TBC1D12: variants seen among roughly 807,000 people sequenced by gnomAD.
TBC1D12 encodes TBC1 domain family member 12, also known as TBC1 domain family, member 12.
A neutral mutation model predicts 86.7 loss-of-function variants in TBC1D12; 56 were observed. That is an observed-to-expected ratio of 0.65 (90% CI 0.52 to 0.81). The LOEUF (loss-of-function observed/expected upper bound fraction) is 0.81. TBC1D12 is among the 30% of genes least tolerant of loss of function. The pLI is 0.00. For missense variants in TBC1D12, 1,023 were observed against 1,038.8 expected (o/e 0.98, Z 0.21); for synonymous variants, 421 against 411.7 (o/e 1.02, Z -0.27).
At chr10:94,464,689 C>A (rs111708393) in intron 2 of TBC1D12, among the ~76,000 whole-genome samples, 1 of 152,146 alleles carries the variant, frequency 6.6e-6, no homozygotes, top group African/African-American at 2.4e-5. Context: ...TAATAAAGAC[C>A]TCAAAGGGTT....
At chr10:94,436,430 G>A (rs912692145) in intron 1 of TBC1D12, among the ~76,000 whole-genome samples, 9 of 151,974 alleles carry the variant, frequency 5.9e-5, no homozygotes, top group African/African-American at 1.2e-4. Context: ...CACTGTGCCC[G>A]CCCAGGTCCT....
At chr10:94,517,702 A>T (rs1842035898) in intron 9 of TBC1D12, among the ~76,000 whole-genome samples, 1 of 152,206 alleles carries the variant, frequency 6.6e-6, no homozygotes, top group African/African-American at 2.4e-5. Flanking sequence ...CTATATTGGA[A>T]TACCTATTTC....
intron 2 of TBC1D12, among the ~76,000 whole-genome samples, chr10:94,444,538 A>G (rs1357805929): frequency 6.6e-6 from 1 of 152,154 alleles, no homozygotes; most frequent in Non-Finnish European, 1.5e-5. Flanking sequence ...AGGTTTATAC[A>G]GGTATTTTTG....
intron 10 of TBC1D12, 46 bp downstream of exon 10, chr10:94,522,129 C>G (rs1564990919): frequency 1.3e-6 from 2 of 1,571,582 alleles, no homozygotes; most frequent in Non-Finnish European, 1.7e-6. Context: ...TTTGAATGCC[C>G]TCTTAGAGTG....
intron 2 of TBC1D12, among the ~76,000 whole-genome samples, chr10:94,459,079 ATTGGTCCATTTTACAGAGAGC>A (rs1433361591): frequency 1.3e-5 from 2 of 151,244 alleles, no homozygotes; most frequent in African/African-American, 4.9e-5. Flanking sequence ...CAGAGAGCTG[ATTGGTCCATTTTACAGAGAGC>A]TGATTGGTCC....
intron 2 of TBC1D12, among the ~76,000 whole-genome samples, chr10:94,442,746 A>G (rs2055399641): frequency 6.6e-6 from 1 of 152,182 alleles, no homozygotes; most frequent in African/African-American, 2.4e-5. Flanking sequence ...TATCCTTCCC[A>G]ATTGTAGTTT....
chr10:94,413,246 C>A (rs1051654337), intron 1 of TBC1D12, among the ~76,000 whole-genome samples: 1 of 152,128 alleles, frequency 6.6e-6, no homozygotes, highest in Non-Finnish European at 1.5e-5. Context: ...GAAATTATTT[C>A]GGACAAATTC....
intron 2 of TBC1D12, among the ~76,000 whole-genome samples, chr10:94,449,700 A>C (rs1056353483): frequency 7.9e-5 from 12 of 152,192 alleles, no homozygotes; most frequent in African/African-American, 2.7e-4. Flanking sequence ...GAGTGTTCCT[A>C]CTGTCCATTG....
chr10:94,453,349 TAAAATAAAAATAA>T (rs1479993687), intron 2 of TBC1D12, among the ~76,000 whole-genome samples: 1 of 152,078 alleles, frequency 6.6e-6, no homozygotes, highest in African/African-American at 2.4e-5. Flanking sequence ...CTGAAAATAT[TAAAATAAAAATAA>T]AAAATAAAAA....
At chr10:94,479,416 C>T (rs968884688) in intron 3 of TBC1D12, among the ~76,000 whole-genome samples, 1 of 152,044 alleles carries the variant, frequency 6.6e-6, no homozygotes, top group Non-Finnish European at 1.5e-5. Flanking sequence ...TGGAATCCAT[C>T]ATTGCTTTTA....
intron 2 of TBC1D12, among the ~76,000 whole-genome samples, chr10:94,451,040 G>T (rs1366142212): frequency 6.6e-6 from 1 of 151,976 alleles, no homozygotes; most frequent in Non-Finnish European, 1.5e-5. Context: ...GTGGTGGTGG[G>T]GAGTGCATGT....
At position 94,531,341 on chromosome 10, in the gene TBC1D12, A is replaced by G; in HGVS notation, c.2140A>G (p.Met714Val). The change falls in exon 12 of 13, where the codon ATG becomes GTG. Residue 714 changes from methionine (M) to valine (V), a missense_variant. Physicochemically the swap from Met to Val is conservative, Grantham distance 21. Coordinates refer to ENST00000225235, the MANE Select transcript of TBC1D12 (RefSeq NM_015188.2). The part of the protein sequence containing the change: ...LRLYEDILLQ[M>V]DFIHIAQFLT... ...ATTATATGAAGATATTCTCCTGCAG[A>G]TGGACTTTATTCATATAGCACAGTT... 1.2e-6 allele frequency: 2 copies of G among 1,614,168 alleles called. No homozygotes were observed. The highest frequency in any genetic ancestry group is 8.5e-7 in the Non-Finnish European group (1 of 1,180,024).
At chr10:94,414,159 C>T (rs535223444) in intron 1 of TBC1D12, among the ~76,000 whole-genome samples, 1 of 151,370 alleles carries the variant, frequency 6.6e-6, no homozygotes, top group East Asian at 1.9e-4. Flanking sequence ...ATTGTTTCCA[C>T]GTTATTCTTG....
At chr10:94,500,415 A>ATTTT in intron 6 of TBC1D12, 88 bp downstream of exon 6, 1 of 1,078,154 alleles carries the variant, frequency 9.3e-7, no homozygotes, top group Non-Finnish European at 1.3e-6. Flanking sequence ...CCATTAAAAT[A>ATTTT]AATGGCCTTT....
Position 94,528,822 on chromosome 10 carries a change from C to CA in TBC1D12, c.2001-2365dup, listed in dbSNP as rs754023345. Among the ~76,000 whole-genome samples, 850 of 99,656 alleles carry CA rather than the reference C, an allele frequency of 8.5e-3. 1 individual carries two copies. The highest frequency in any genetic ancestry group is 0.011 in the Non-Finnish European group (525 of 48,384). The allele number at this position is 99,656 out of a possible 152,430, so 65.4% of individuals were successfully genotyped here. ...GGGAAATAGAGCAAGACTGTGTCTC[C>CA]AAAAAAAAAAAAAAAGAATTCACAT... On this transcript the variant is annotated intron_variant, in intron 11 of 12. Transcript: ENST00000225235.
chr10:94,411,805 A>G (rs1302306181), intron 1 of TBC1D12, among the ~76,000 whole-genome samples: 1 of 152,140 alleles, frequency 6.6e-6, no homozygotes, highest in East Asian at 1.9e-4. Flanking sequence ...AAAAAATAAA[A>G]AAACTAGCTG....
intron 1 of TBC1D12, among the ~76,000 whole-genome samples, chr10:94,441,251 A>C (rs577845619): frequency 8.2e-4 from 125 of 151,858 alleles, no homozygotes; most frequent in African/African-American, 2.8e-3. Flanking sequence ...TAGCTGGCCT[A>C]GGAAAGACAG....
intron 3 of TBC1D12, among the ~76,000 whole-genome samples, chr10:94,485,544 C>CTTTT (rs772788846): frequency 8.1e-6 from 1 of 122,766 alleles, no homozygotes; most frequent in African/African-American, 3.0e-5. Flanking sequence ...TGTAGTTTTC[C>CTTTT]TTTTTTTTTT....
Position 94,423,544 on chromosome 10 carries a change from C to T in TBC1D12, c.972-18352C>T, listed in dbSNP as rs189281889. Among the ~76,000 whole-genome samples the T allele has an allele frequency of 3.8e-3, 577 of 151,996 alleles. 2 individuals are homozygous for T. Among genetic ancestry groups the T allele is most frequent in the African/African-American group, 0.013 (550 of 41,470 alleles). ...TTTACTTTTAGTAGAGATGGGGTTT[C>T]GCCATGTTGGCCAGGCTGGTCTCGA... On this transcript the variant is annotated intron_variant, in intron 1 of 12. Transcript: ENST00000225235.
Sources: gnomAD v4.1 joint callset for allele counts (sites outside exome capture counted in the v4.1 genomes callset) on GRCh38, gnomAD v4.1.1 for gene constraint, MANE v1.5 for transcripts, NCBI Gene and HGNC (gene_info 2026-07-23, HGNC 2026-07-21) for gene names.